The following SDK2 variants were observed in gnomAD, a reference collection of about 807,000 sequenced individuals.
SDK2 encodes sidekick cell adhesion molecule 2.
In SDK2, 105 loss-of-function variants were observed where a neutral mutation model predicts 253.9. The observed-to-expected ratio is 0.41, with a 90% confidence interval of 0.35 to 0.49. The LOEUF (loss-of-function observed/expected upper bound fraction) is 0.49, where lower values mean the gene tolerates loss of function less well. Among genes scored for constraint, SDK2 ranks in the 20% least tolerant of loss-of-function variants. The pLI is 0.06. For synonymous variants in SDK2, 1,249 were observed against 1,234.9 expected (o/e 1.01, Z -0.24); for missense variants, 2,608 against 3,003.0 (o/e 0.87, Z 3.07).
intron 3 of SDK2, among the ~76,000 whole-genome samples, chr17:73,471,850 C>A (rs1282910441): frequency 6.6e-6 from 1 of 152,200 alleles, no homozygotes; most frequent in Admixed American, 6.5e-5. Flanking sequence ...GAGCTCTTGG[C>A]TCTCGGGACA....
At chr17:73,471,448 A>C (rs2063650065) in intron 3 of SDK2, among the ~76,000 whole-genome samples, 1 of 152,046 alleles carries the variant, frequency 6.6e-6, no homozygotes, top group Non-Finnish European at 1.5e-5. Context: ...AAATACAAAA[A>C]ATTAGCTGGG....
chr17:73,390,272 C>T lies in SDK2; in HGVS notation c.4192+15G>A. 1 of 1,553,154 alleles carries T rather than the reference C, an allele frequency of 6.4e-7. No individual in the cohort carries two copies. Among genetic ancestry groups the T allele is most frequent in the South Asian group, 1.2e-5 (1 of 84,314 alleles). Reference sequence around the variant, plus strand: ...AGCTGCCCCCAAGCCTTCCCTGGCCCCCGTGGGCAGTCACCTCTCTTCTCG... The same window carrying T: ...AGCTGCCCCCAAGCCTTCCCTGGCCTCCGTGGGCAGTCACCTCTCTTCTCG... On this transcript the variant is annotated intron_variant, in intron 29 of 44. Transcript: ENST00000392650.
At chr17:73,564,588 GTCGAGACAGGTGGA>G (rs1409727173) in intron 1 of SDK2, among the ~76,000 whole-genome samples, 1 of 152,172 alleles carries the variant, frequency 6.6e-6, no homozygotes, top group Non-Finnish European at 1.5e-5. Context: ...ACTTTGGGAG[GTCGAGACAGGTGGA>G]TCACTTGAGG....
chr17:73,476,089 G>A (rs1390169260), intron 2 of SDK2, among the ~76,000 whole-genome samples: 1 of 152,146 alleles, frequency 6.6e-6, no homozygotes, highest in Non-Finnish European at 1.5e-5. Context: ...TCCAGCCTGG[G>A]CAACAAAGAC....
chr17:73,369,125 AG>A (rs1374902999), intron 36 of SDK2: 1 of 470,774 alleles, frequency 2.1e-6, no homozygotes, highest in Admixed American at 2.3e-5. Flanking sequence ...ATGGCCCCCA[AG>A]TGTCTGTGTT....
rs544432325 is a variant in SDK2 at position 73,357,442 on chromosome 17, G to T, written c.5593+637C>A. The T allele has an allele frequency of 1.8e-5, 3 of 169,810 alleles. No individual in the cohort carries two copies. In the South Asian group the frequency reaches 4.8e-4, roughly 27 times the overall value. 10.5% of individuals were successfully genotyped at this position (169,810 alleles called of 1,614,324 possible). Reference sequence around the variant, plus strand: ...AGAGAACAGGCCTCCTGCTCTTGCTGACTCTGGCACCTCTGATTAACTTGG... The same window carrying T: ...AGAGAACAGGCCTCCTGCTCTTGCTTACTCTGGCACCTCTGATTAACTTGG... On this transcript the variant is annotated intron_variant, in intron 40 of 44. Transcript: ENST00000392650.
intron 15 of SDK2, among the ~76,000 whole-genome samples, chr17:73,420,956 G>A (rs1035029968): frequency 2.6e-5 from 4 of 152,192 alleles, no homozygotes; most frequent in African/African-American, 4.8e-5. Flanking sequence ...GATTACAAGC[G>A]TGAGGATTTG....
At chr17:73,424,158 G>A (rs1247363225) in intron 12 of SDK2, 66 bp from the exon 13 acceptor site, 1 of 1,378,356 alleles carries the variant, frequency 7.3e-7, no homozygotes. Flanking sequence ...GGCCTAGCCT[G>A]AAGCTTGTCC....
At chr17:73,524,166 C>T (rs1417183017) in intron 1 of SDK2, among the ~76,000 whole-genome samples, 1 of 152,206 alleles carries the variant, frequency 6.6e-6, no homozygotes, top group East Asian at 1.9e-4. Context: ...AGCTGCTCTG[C>T]AGTTGGGCCT....
At chr17:73,427,314 C>T (rs2063291262) in intron 12 of SDK2, among the ~76,000 whole-genome samples, 1 of 152,166 alleles carries the variant, frequency 6.6e-6, no homozygotes, top group South Asian at 2.1e-4. Flanking sequence ...GTTGAATATT[C>T]CATAGCAGGA....
chr17:73,375,787 C>G (rs1035001967), intron 36 of SDK2, among the ~76,000 whole-genome samples: 4 of 150,010 alleles, frequency 2.7e-5, no homozygotes, highest in Non-Finnish European at 5.9e-5. Flanking sequence ...ACCTGGGAGG[C>G]AGAGGTTGCA....
chr17:73,468,421 G>C (rs548622357), intron 3 of SDK2, among the ~76,000 whole-genome samples: 2 of 152,306 alleles, frequency 1.3e-5, no homozygotes, highest in East Asian at 3.9e-4. Context: ...GTGAGGCTCA[G>C]AGAGGTCCAG....
intron 36 of SDK2, among the ~76,000 whole-genome samples, chr17:73,372,765 T>G (rs1040593739): frequency 2.6e-5 from 4 of 151,182 alleles, no homozygotes; most frequent in Non-Finnish European, 5.9e-5. Context: ...AACAAAAAAA[T>G]CAAAAAACAA....
intron 36 of SDK2, among the ~76,000 whole-genome samples, chr17:73,372,510 C>A (rs1488576129): frequency 6.6e-6 from 1 of 152,172 alleles, no homozygotes; most frequent in Admixed American, 6.5e-5. Context: ...CACGAACCTG[C>A]CATTTACTAT....
At chr17:73,503,829 A>C (rs1443994550) in intron 2 of SDK2, among the ~76,000 whole-genome samples, 2 of 152,188 alleles carry the variant, frequency 1.3e-5, no homozygotes, top group Non-Finnish European at 2.9e-5. Context: ...AGCTGGGCCA[A>C]TCAGAATCCT....
chr17:73,607,408 A>ACCTGT (rs1241725185), intron 1 of SDK2, among the ~76,000 whole-genome samples: 9 of 152,110 alleles, frequency 5.9e-5, no homozygotes, highest in African/African-American at 2.2e-4. Flanking sequence ...TGTGTTCAGC[A>ACCTGT]CCTGTCATGT....
Position 73,534,484 on chromosome 17 carries a change from G to C in SDK2, c.65-26887C>G, listed in dbSNP as rs917447991. On this transcript the variant is annotated intron_variant, in intron 1 of 44. Transcript: ENST00000392650. The surrounding 1 kb of genome is among the most constrained non-coding windows in gnomAD (Gnocchi z 4.9). ...CTATGTGGGGGAAGGTTCAGGGACA[G>C]TGTGGGGGCTGGGAGAAAAGACAGA... Among the ~76,000 whole-genome samples the C allele has an allele frequency of 1.3e-5, 2 of 152,150 alleles. No individual in the cohort carries two copies. The highest frequency in any genetic ancestry group is 1.3e-4 in the Admixed American group (2 of 15,268).
chr17:73,583,667 T>G (rs981625928), intron 1 of SDK2, among the ~76,000 whole-genome samples: 1 of 152,184 alleles, frequency 6.6e-6, no homozygotes, highest in Non-Finnish European at 1.5e-5. Context: ...TGGGCTTGCA[T>G]GGACACTGCC....
chr17:73,548,686 C>A (rs1409557265), intron 1 of SDK2, among the ~76,000 whole-genome samples: 1 of 152,136 alleles, frequency 6.6e-6, no homozygotes. Context: ...TGTCTCCTCC[C>A]TGGGGAGGAA....
Sources: allele counts gnomAD v4.1 joint callset (sites outside exome capture counted in the v4.1 genomes callset), GRCh38; gene constraint gnomAD v4.1.1; non-coding constraint Gnocchi (gnomAD v3.1); transcripts MANE v1.5; gene names NCBI Gene and HGNC (gene_info 2026-07-23, HGNC 2026-07-21).